Variants in KCNIP4 observed in about 807,000 individuals in gnomAD.
KCNIP4 encodes the protein potassium voltage-gated channel interacting protein 4, also known as Kv channel-interacting protein 4.
A neutral mutation model predicts 34.0 loss-of-function variants in KCNIP4; 12 were observed. The observed-to-expected ratio is 0.35, with a 90% CI of 0.23 to 0.57. The LOEUF (loss-of-function observed/expected upper bound fraction) is 0.57, where lower values mean the gene tolerates loss of function less well. Among genes scored for constraint, KCNIP4 ranks in the 20% least tolerant of loss-of-function variants. KCNIP4 has a pLI of 0.83. For synonymous variants in KCNIP4, 124 were observed against 102.2 expected (o/e 1.21, Z -1.29); for missense variants, 238 against 311.7 (o/e 0.76, Z 1.78).
At position 20,729,503 on chromosome 4, in the gene KCNIP4, T is replaced by TTTAAAAATGCCAGATAAAACTA. The variant is rs971896404; in HGVS notation, c.*557_*578dup. On this transcript the variant is annotated 3_prime_UTR_variant, in exon 9 of 9. Transcript: ENST00000382152. ...TTAAATGTTTAATAATTTTTAAATG[T>TTTAAAAATGCCAGATAAAACTA]TTAAAAATGCCAGATAAAACTAATT... 5 of 147,836 alleles carry TTTAAAAATGCCAGATAAAACTA rather than the reference T, an allele frequency of 3.4e-5. No individual in the cohort carries two copies. Among genetic ancestry groups the TTTAAAAATGCCAGATAAAACTA allele is most frequent in the African/African-American group, 1.3e-4 (5 of 39,864 alleles). The allele number at this position is 147,836 out of a possible 1,614,324, so 9.2% of individuals were successfully genotyped here.
At chr4:20,971,017 A>G (rs1734894485) in intron 1 of KCNIP4, among the ~76,000 whole-genome samples, 1 of 152,230 alleles carries the variant, frequency 6.6e-6, no homozygotes, top group African/African-American at 2.4e-5. Context: ...TGGAAAAAAT[A>G]CCTCCTAAGC....
At chr4:21,787,457 A>C (rs1719987219) in intron 1 of KCNIP4, among the ~76,000 whole-genome samples, 1 of 152,214 alleles carries the variant, frequency 6.6e-6, no homozygotes, top group Non-Finnish European at 1.5e-5. Context: ...ATTTATGCCC[A>C]CACAGCAAAA....
At chr4:21,512,617 T>C (rs563676766) in intron 1 of KCNIP4, among the ~76,000 whole-genome samples, 1 of 152,224 alleles carries the variant, frequency 6.6e-6, no homozygotes, top group East Asian at 1.9e-4. Context: ...ACAGAGATAT[T>C]CTCAACACAT....
chr4:21,495,508 A>C (rs1288961875), intron 1 of KCNIP4, among the ~76,000 whole-genome samples: 3 of 152,190 alleles, frequency 2.0e-5, no homozygotes, highest in Non-Finnish European at 4.4e-5. Context: ...CCTTATTATC[A>C]TTAATGATCC....
At chr4:21,944,521 C>T (rs1730387160) in intron 1 of KCNIP4, among the ~76,000 whole-genome samples, 1 of 140,214 alleles carries the variant, frequency 7.1e-6, no homozygotes, top group Non-Finnish European at 1.5e-5. Flanking sequence ...CACGCCACTG[C>T]ACTCCACCCT....
At chr4:21,067,271 T>C (rs956484755) in intron 1 of KCNIP4, among the ~76,000 whole-genome samples, 1 of 152,182 alleles carries the variant, frequency 6.6e-6, no homozygotes, top group Non-Finnish European at 1.5e-5. Context: ...TACTTGCCTC[T>C]GATCTTGGGT....
At chr4:21,687,015 T>C (rs529849916) in intron 1 of KCNIP4, among the ~76,000 whole-genome samples, 2 of 148,556 alleles carry the variant, frequency 1.3e-5, no homozygotes, top group African/African-American at 2.5e-5. Flanking sequence ...TCATGTCGTT[T>C]GTAGGGACAT....
rs1179632956 is a variant in KCNIP4, at chr4:21,152,192, GCA to G, written c.62-269485_62-269484del. Reference sequence around the variant, plus strand: ...TGCTTGAACCTGGGAGGCAGAGGTTGCAGTGAGCCCAGATAGCACCACTGCAC... The same window carrying G: ...TGCTTGAACCTGGGAGGCAGAGGTTGGTGAGCCCAGATAGCACCACTGCAC... On this transcript the variant is annotated intron_variant, in intron 1 of 8. Coordinates refer to ENST00000382152, the MANE Select transcript of KCNIP4 (RefSeq NM_025221.6). 2.0e-5 allele frequency among the ~76,000 whole-genome samples: 3 copies of G among 152,214 alleles called. No individual in the cohort carries two copies. The East Asian group carries it at 5.8e-4, about 30-fold the overall frequency.
intron 1 of KCNIP4, among the ~76,000 whole-genome samples, chr4:21,074,284 G>A (rs1432519652): frequency 6.6e-6 from 1 of 152,050 alleles, no homozygotes; most frequent in Non-Finnish European, 1.5e-5. Context: ...TTTTTGGTTG[G>A]TAAGCTATTA....
intron 1 of KCNIP4, among the ~76,000 whole-genome samples, chr4:21,211,165 G>A (rs1202689733): frequency 6.6e-6 from 1 of 152,154 alleles, no homozygotes; most frequent in Non-Finnish European, 1.5e-5. Flanking sequence ...TGATCTTTCA[G>A]AATAAGACTG....
At chr4:20,899,008 C>G (rs1231844058) in intron 1 of KCNIP4, among the ~76,000 whole-genome samples, 2 of 152,078 alleles carry the variant, frequency 1.3e-5, no homozygotes, top group Non-Finnish European at 2.9e-5. Flanking sequence ...AAGATTCAAA[C>G]TTATTGCAAA....
chr4:20,975,808 C>T (rs1266787237), intron 1 of KCNIP4, among the ~76,000 whole-genome samples: 1 of 152,182 alleles, frequency 6.6e-6, no homozygotes, highest in Non-Finnish European at 1.5e-5. Context: ...TTGGTATCAC[C>T]TGCCAGCTAA....
At position 21,475,000 on chromosome 4, in the gene KCNIP4, C is replaced by CAAA. The variant is rs10681441; in HGVS notation, c.61+473570_61+473571insTTT. 1.9e-3 allele frequency among the ~76,000 whole-genome samples: 202 copies of CAAA among 105,680 alleles called. 2 individuals carry two copies. The highest frequency in any genetic ancestry group is 5.3e-3 in the African/African-American group (130 of 24,660). The allele number at this position is 105,680 out of a possible 152,430, so 69.3% of individuals were successfully genotyped here. A position where few individuals can be genotyped will look rare whatever the true frequency, so the allele number is the denominator to read the frequency against. On this transcript the variant is annotated intron_variant, in intron 1 of 8. Transcript: ENST00000382152. ...TGGACAAAAGAATGAGACTCCATCTCGAAAAACAAAAAAAAAAGACGTTAA... is the reference window on the plus strand; with the variant it reads ...TGGACAAAAGAATGAGACTCCATCTCAAAGAAAAACAAAAAAAAAAGACGTTAA...
intron 1 of KCNIP4, among the ~76,000 whole-genome samples, chr4:21,393,783 G>T (rs1202689771): frequency 6.6e-6 from 1 of 152,000 alleles, no homozygotes; most frequent in African/African-American, 2.4e-5. Flanking sequence ...GTTCTCCACT[G>T]CCATCATTGA....
At chr4:21,285,644 C>T (rs1763076552) in intron 1 of KCNIP4, among the ~76,000 whole-genome samples, 1 of 151,946 alleles carries the variant, frequency 6.6e-6, no homozygotes, top group African/African-American at 2.4e-5. Context: ...GCCTGGCCAA[C>T]TTGGTGAAAC....
chr4:21,409,287 A>AG (rs1724279626), intron 1 of KCNIP4, among the ~76,000 whole-genome samples: 1 of 148,260 alleles, frequency 6.7e-6, no homozygotes, highest in Admixed American at 6.7e-5. Flanking sequence ...AAAAAAAAAA[A>AG]CTTCTATTTT....
intron 5 of KCNIP4, among the ~76,000 whole-genome samples, chr4:20,737,130 GT>G (rs147873181): frequency 0.016 from 2,391 of 152,302 alleles, 29 homozygotes; most frequent in Non-Finnish European, 0.025. Flanking sequence ...GGCATGAAGG[GT>G]AGAATGTCAA....
intron 1 of KCNIP4, among the ~76,000 whole-genome samples, chr4:21,128,634 C>G (rs1456641977): frequency 6.6e-6 from 1 of 152,162 alleles, no homozygotes; most frequent in East Asian, 1.9e-4. Flanking sequence ...GTGATCAATG[C>G]ATACCTCATT....
intron 1 of KCNIP4, among the ~76,000 whole-genome samples, chr4:20,947,379 G>C (rs570980939): frequency 2.6e-5 from 4 of 152,176 alleles, no homozygotes; most frequent in Admixed American, 2.0e-4. Flanking sequence ...ATGTTGCCCA[G>C]GCTGGTCTCA....
Sources: gnomAD v4.1 joint callset for allele counts (sites outside exome capture counted in the v4.1 genomes callset) on GRCh38, gnomAD v4.1.1 for gene constraint, MANE v1.5 for transcripts, NCBI Gene and HGNC (gene_info 2026-07-23, HGNC 2026-07-21) for gene names.